Variants in FMN1 observed in about 807,000 individuals in gnomAD.
FMN1 encodes the protein formin-1.
A neutral mutation model predicts 132.4 loss-of-function variants in FMN1; 110 were observed. That is an observed-to-expected ratio of 0.83 (90% CI 0.71 to 0.97). The LOEUF (loss-of-function observed/expected upper bound fraction) is 0.97, where lower values mean the gene tolerates loss of function less well. Among genes scored for constraint, FMN1 ranks in the 50% least tolerant of loss-of-function variants. The pLI is 0.00. For synonymous variants in FMN1, 722 were observed against 651.7 expected, an observed-to-expected ratio of 1.11 and a Z score of -1.64; for missense variants, 1,792 against 1,705.3, an observed-to-expected ratio of 1.05 and a Z score of -0.90.
At chr15:32,966,547 A>G (rs928418999) in intron 8 of FMN1, among the ~76,000 whole-genome samples, 1 of 152,212 alleles carries the variant, frequency 6.6e-6, no homozygotes, top group Non-Finnish European at 1.5e-5. Flanking sequence ...AAAGGTAGTT[A>G]GATGAGGATT....
intron 4 of FMN1, among the ~76,000 whole-genome samples, chr15:33,090,538 TGA>T (rs2038866405): frequency 6.6e-6 from 1 of 151,106 alleles, no homozygotes; most frequent in East Asian, 1.9e-4. Context: ...CTGAGAAAAA[TGA>T]GAGTCCAGGG....
At chr15:32,838,373 A>G (rs2058673340) in intron 17 of FMN1, among the ~76,000 whole-genome samples, 1 of 152,224 alleles carries the variant, frequency 6.6e-6, no homozygotes, top group Non-Finnish European at 1.5e-5. Context: ...CTGGAGACTG[A>G]GCAACTGGTG....
At chr15:33,069,523 C>A (rs2037901086) in intron 5 of FMN1, among the ~76,000 whole-genome samples, 1 of 152,196 alleles carries the variant, frequency 6.6e-6, no homozygotes, top group Non-Finnish European at 1.5e-5. Flanking sequence ...AGGAAAATGA[C>A]AGTCTTGCTT....
At position 32,930,608 on chromosome 15, in the gene FMN1, T is replaced by G. The variant is rs575750400; in HGVS notation, c.3139-4347A>C. Among the ~76,000 whole-genome samples, 4 of 152,244 alleles carry G rather than the reference T, an allele frequency of 2.6e-5. No individual in the cohort carries two copies. In the South Asian group the frequency reaches 8.3e-4, roughly 32 times the overall value. On this transcript the variant is annotated intron_variant, in intron 9 of 20. Coordinates refer to ENST00000616417, the MANE Select transcript of FMN1 (RefSeq NM_001277313.2). Reference sequence around the variant, plus strand: ...TATCAGACATATGGTTTGCAAATATTTTTTCCCATTCTGTAAGTTGTCTTT... The same window carrying G: ...TATCAGACATATGGTTTGCAAATATGTTTTCCCATTCTGTAAGTTGTCTTT...
intron 17 of FMN1, among the ~76,000 whole-genome samples, chr15:32,815,554 T>C (rs534017720): frequency 6.6e-6 from 1 of 152,284 alleles, no homozygotes; most frequent in Admixed American, 6.5e-5. Context: ...CTTAAGAAAT[T>C]ACCTCATATA....
Position 32,908,588 on chromosome 15 carries a change from A to C in FMN1, c.3289-10T>G, listed in dbSNP as rs750728150. The C allele has an allele frequency of 2.3e-5, 35 of 1,521,648 alleles. No individual in the cohort carries two copies. The South Asian group carries it at 4.0e-4, about 17-fold the overall frequency. 94.3% of individuals were successfully genotyped at this position (1,521,648 alleles called of 1,614,324 possible). On this transcript the variant is annotated splice_polypyrimidine_tract_variant and intron_variant, in intron 11 of 20. Coordinates refer to ENST00000616417, the MANE Select transcript of FMN1 (RefSeq NM_001277313.2). ...CATCCTCTTGGGCTCTCTGTATCAA[A>C]ATAGAAAACAAAACCAAAAAAAAAA...
At chr15:33,169,450 G>A (rs189755945) in intron 3 of FMN1, among the ~76,000 whole-genome samples, 17 of 152,050 alleles carry the variant, frequency 1.1e-4, no homozygotes, top group East Asian at 3.9e-4. Context: ...ATAAATATAC[G>A]CAATAAAAAA....
chr15:32,964,377 T>C (rs2030976995), intron 8 of FMN1, 120 bp from the exon 9 acceptor site: 1 of 725,566 alleles, frequency 1.4e-6, no homozygotes, highest in Non-Finnish European at 2.2e-6. Context: ...CATAAAACTC[T>C]AATAATGCTT....
At chr15:32,911,183 A>G (rs892180933) in intron 10 of FMN1, among the ~76,000 whole-genome samples, 3 of 152,230 alleles carry the variant, frequency 2.0e-5, no homozygotes, top group Non-Finnish European at 2.9e-5. Flanking sequence ...CCGTTAACTA[A>G]TATGCTTATG....
chr15:32,921,037 CT>C (rs1224026701), intron 10 of FMN1, among the ~76,000 whole-genome samples: 2 of 152,142 alleles, frequency 1.3e-5, no homozygotes, highest in East Asian at 3.9e-4. Context: ...AGTGAGCAGT[CT>C]CCTTCTCAGA....
Position 33,154,887 on chromosome 15 carries a change from A to C in FMN1, c.28T>G (p.Leu10Val). Residue 10 changes from leucine (L) to valine (V), a missense_variant, in exon 4 of 21, where the codon TTG becomes GTG. Leu to Val is a conservative substitution (Grantham distance 32). This residue lies in a region of FMN1 where 638 missense variants were observed against 645.2 expected (regional missense o/e 0.99). Coordinates refer to ENST00000616417, the MANE Select transcript of FMN1 (RefSeq NM_001277313.2). MEGTHCTLQ[L>V]HKPITELCYI... ...CAGAGTTCCGTAATGGGCTTATGCA[A>C]TTGGAGGGTACAATGAGTGCCTTCC... 6.5e-7 allele frequency: 1 copy of C among 1,535,654 alleles called. No homozygotes were observed. The highest frequency in any genetic ancestry group is 8.7e-7 in the Non-Finnish European group (1 of 1,146,694).
intron 4 of FMN1, among the ~76,000 whole-genome samples, chr15:33,118,892 A>G (rs1038047197): frequency 6.6e-6 from 1 of 151,838 alleles, no homozygotes; most frequent in Non-Finnish European, 1.5e-5. Flanking sequence ...CTATAAAAAA[A>G]GATTGGCCGT....
At position 33,008,062 on chromosome 15, in the gene FMN1, A is replaced by G; in HGVS notation, c.2175T>C (p.Ala725=). 1 of 1,597,456 alleles carries G rather than the reference A, an allele frequency of 6.3e-7. No homozygotes were observed. The highest frequency in any genetic ancestry group is 8.5e-7 in the Non-Finnish European group (1 of 1,170,892). Residue 725 remains alanine, a synonymous_variant, in exon 7 of 21, where the codon GCT becomes GCC. Coordinates refer to ENST00000616417, the MANE Select transcript of FMN1 (RefSeq NM_001277313.2). ...LKYTEAEYQA[A]ILHLKREHKE... ...TGTGCTCCCTCTTCAAGTGTAAAAT[A>G]GCAGCTTGGTATTCTGTAAAATCAA...
intron 16 of FMN1, among the ~76,000 whole-genome samples, chr15:32,869,254 G>A (rs1247806025): frequency 1.3e-5 from 2 of 152,178 alleles, no homozygotes. Context: ...GCGTAGGGGA[G>A]AAAAGCTTCT....
intron 6 of FMN1, among the ~76,000 whole-genome samples, chr15:33,024,746 A>G (rs2035588252): frequency 6.6e-6 from 1 of 152,236 alleles, no homozygotes; most frequent in South Asian, 2.1e-4. Flanking sequence ...GCATTTACAC[A>G]TTAATACAAA....
chr15:33,021,980 C>T (rs1053265370), intron 6 of FMN1, among the ~76,000 whole-genome samples: 6 of 152,160 alleles, frequency 3.9e-5, no homozygotes, highest in African/African-American at 1.4e-4. Flanking sequence ...GTAACCAACT[C>T]CTGTCACTAG....
intron 4 of FMN1, among the ~76,000 whole-genome samples, chr15:33,100,617 G>C (rs545520833): frequency 1.1e-3 from 161 of 152,110 alleles, no homozygotes; most frequent in Non-Finnish European, 2.0e-3. Flanking sequence ...TTTACTATTT[G>C]GTTTTACAGA....
chr15:32,785,218 A>ATATATATATTTTTTTTTTTTTT (rs1444523400), intron 19 of FMN1, among the ~76,000 whole-genome samples: 2 of 39,202 alleles, frequency 5.1e-5, no homozygotes, highest in African/African-American at 1.2e-4. Flanking sequence ...ATATATATAT[A>ATATATATATTTTTTTTTTTTTT]TTTTTTTTTT....
chr15:32,996,731 T>C (rs1348604918), intron 7 of FMN1, among the ~76,000 whole-genome samples: 4 of 151,442 alleles, frequency 2.6e-5, no homozygotes, highest in Non-Finnish European at 5.9e-5. Context: ...TACGCGCGTA[T>C]ACACACAAAC....
Sources: gnomAD v4.1 joint callset for allele counts (sites outside exome capture counted in the v4.1 genomes callset) on GRCh38, gnomAD v4.1.1 for gene constraint, gnomAD v4.1.1 regional missense constraint, MANE v1.5 for transcripts, NCBI Gene and HGNC (gene_info 2026-07-23, HGNC 2026-07-21) for gene names.